SP6: variants seen among roughly 807,000 people sequenced by gnomAD.
SP6 encodes the protein transcription factor Sp6.
Under a neutral mutation model 23.4 loss-of-function variants are expected in SP6, and 10 were observed. The observed-to-expected ratio is 0.43, with a 90% CI of 0.26 to 0.72. SP6 has a LOEUF of 0.72. Among genes scored for constraint, SP6 ranks in the 30% least tolerant of loss-of-function variants. The pLI is 0.23. For synonymous variants in SP6, 238 were observed against 238.7 expected, an observed-to-expected ratio of 1.00 and a Z score of 0.03; for missense variants, 482 against 523.8, an observed-to-expected ratio of 0.92 and a Z score of 0.78.
chr17:47,860,250 C>A (rs73985424), upstream of SP6, among the ~76,000 whole-genome samples: 5,055 of 152,238 alleles, frequency 0.033, 275 homozygotes, highest in African/African-American at 0.12. Flanking sequence ...TCCTATGGAT[C>A]TTTTAAATCC....
the SP6 span, among the ~76,000 whole-genome samples, chr17:47,875,488 C>G: frequency 1.3e-5 from 2 of 152,222 alleles, no homozygotes; most frequent in Non-Finnish European, 2.9e-5. Flanking sequence ...TCTCCATCTT[C>G]ACCTCAGGGA....
rs966132302 is a variant in SP6 at position 47,851,159 on chromosome 17, T to G, written c.-298A>C. The G allele has an allele frequency of 6.6e-6, 1 of 152,318 alleles. No homozygotes were observed. Among genetic ancestry groups the G allele is most frequent in the African/African-American group, 2.4e-5 (1 of 41,444 alleles). The allele number at this position is 152,318 out of a possible 1,614,324, so 9.4% of individuals were successfully genotyped here. A position where few individuals can be genotyped will look rare whatever the true frequency, so the allele number is the denominator to read the frequency against. On this transcript the variant is annotated 5_prime_UTR_variant, in exon 1 of 2. Transcript: ENST00000536300. ...AGCTCCGCCCGTGACTCACCCGCGC[T>G]CTCTGCCTTCATCCTCTCCCCAGCG...
chr17:47,847,276 G>T lies in SP6; in HGVS notation c.*23C>A. 1 of 1,486,036 alleles carries T rather than the reference G, an allele frequency of 6.7e-7. No homozygotes were observed. Among genetic ancestry groups the T allele is most frequent in the Non-Finnish European group, 9.0e-7 (1 of 1,115,956 alleles). 92.1% of individuals were successfully genotyped at this position (1,486,036 alleles called of 1,614,324 possible). On this transcript the variant is annotated 3_prime_UTR_variant, in exon 2 of 2. Coordinates refer to ENST00000536300, the MANE Select transcript of SP6 (RefSeq NM_001258248.2). ...GCATCCAGTGCCCCCCGGGATACCC[G>T]CAGGGAGGCGGCACTGAGGAGCTCA...
chr17:47,866,791 G>A, the SP6 span, among the ~76,000 whole-genome samples: 1 of 152,194 alleles, frequency 6.6e-6, no homozygotes, highest in Non-Finnish European at 1.5e-5. Context: ...ATCCCCAAAT[G>A]TTCTCCCTTG....
At chr17:47,868,793 C>T in the SP6 span, among the ~76,000 whole-genome samples, 4 of 152,084 alleles carry the variant, frequency 2.6e-5, no homozygotes, top group Non-Finnish European at 4.4e-5. Context: ...GAGAAGGGTT[C>T]CTGAGGTAGG....
At chr17:47,857,268 G>T (rs1279851123), upstream of SP6, among the ~76,000 whole-genome samples, 1 of 152,116 alleles carries the variant, frequency 6.6e-6, no homozygotes, top group African/African-American at 2.4e-5. Flanking sequence ...AGTGGGGAGG[G>T]GAAACAAGCT....
chr17:47,874,563 C>T, the SP6 span, among the ~76,000 whole-genome samples: 1 of 152,144 alleles, frequency 6.6e-6, no homozygotes, highest in Non-Finnish European at 1.5e-5. Flanking sequence ...AAACAATTCC[C>T]TTCAGGAGGC....
the SP6 span, among the ~76,000 whole-genome samples, chr17:47,865,693 C>A: frequency 1.3e-5 from 2 of 152,116 alleles, no homozygotes; most frequent in African/African-American, 2.4e-5. Flanking sequence ...TTTGTTAGCA[C>A]CTTTATGACA....
upstream of SP6, among the ~76,000 whole-genome samples, chr17:47,859,887 G>A (rs967943978): frequency 8.5e-5 from 13 of 152,136 alleles, no homozygotes; most frequent in Admixed American, 7.2e-4. Flanking sequence ...AAGTGGAGCC[G>A]AGAGAAAAGG....
chr17:47,871,678 GCGTGAT>G, the SP6 span, among the ~76,000 whole-genome samples: 1 of 151,614 alleles, frequency 6.6e-6, no homozygotes, highest in Non-Finnish European at 1.5e-5. Flanking sequence ...GAGTGCAGTG[GCGTGAT>G]CTTGGCTCAC....
chr17:47,868,955 G>A, the SP6 span, among the ~76,000 whole-genome samples: 4 of 152,214 alleles, frequency 2.6e-5, no homozygotes, highest in South Asian at 4.1e-4. Context: ...GGGTGGCATC[G>A]GCAGCTTATC....
At chr17:47,854,731 A>C (rs148324854), upstream of SP6, among the ~76,000 whole-genome samples, 1 of 152,160 alleles carries the variant, frequency 6.6e-6, no homozygotes, top group Non-Finnish European at 1.5e-5. Context: ...TCTAGCCCCA[A>C]ATTGTCTCGT....
At chr17:47,851,997 C>G (rs1203908000), upstream of SP6, among the ~76,000 whole-genome samples, 1 of 151,996 alleles carries the variant, frequency 6.6e-6, no homozygotes, top group Non-Finnish European at 1.5e-5. Flanking sequence ...CCTCGCCCTC[C>G]TGTCCTTCGG....
the SP6 span, among the ~76,000 whole-genome samples, chr17:47,868,804 G>A: frequency 1.3e-5 from 2 of 152,146 alleles, no homozygotes; most frequent in Non-Finnish European, 2.9e-5. Context: ...CTGAGGTAGG[G>A]GGCTTGGGAG....
chr17:47,866,914 G>A, the SP6 span, among the ~76,000 whole-genome samples: 1 of 152,188 alleles, frequency 6.6e-6, no homozygotes, highest in Non-Finnish European at 1.5e-5. Flanking sequence ...CAGGGAGGGG[G>A]AGGTGAGCAG....
At chr17:47,869,989 T>C in the SP6 span, among the ~76,000 whole-genome samples, 1 of 152,202 alleles carries the variant, frequency 6.6e-6, no homozygotes, top group Non-Finnish European at 1.5e-5. Flanking sequence ...CTTTCCTCAG[T>C]TGGAAGATCA....
chr17:47,872,731 C>G, the SP6 span, among the ~76,000 whole-genome samples: 2 of 152,200 alleles, frequency 1.3e-5, no homozygotes, highest in Admixed American at 6.5e-5. Context: ...TCACCAGCCC[C>G]CCGGCGGCAA....
intron 1 of SP6, among the ~76,000 whole-genome samples, chr17:47,850,446 G>A (rs928988062): frequency 2.6e-5 from 4 of 152,136 alleles, no homozygotes; most frequent in Admixed American, 2.6e-4. Context: ...GCAACCCTTA[G>A]GTTGCCTCTA....
the SP6 span, among the ~76,000 whole-genome samples, chr17:47,867,824 ATCTG>A: frequency 6.6e-6 from 1 of 152,128 alleles, no homozygotes; most frequent in Admixed American, 6.5e-5. Context: ...GGAAGGAAGA[ATCTG>A]TCTGAAGACT....
Sources: gnomAD v4.1 joint callset for allele counts (sites outside exome capture counted in the v4.1 genomes callset) on GRCh38, gnomAD v4.1.1 for gene constraint, MANE v1.5 for transcripts, NCBI Gene and HGNC (gene_info 2026-07-23, HGNC 2026-07-21) for gene names.